The following PRRC2B variants were observed in gnomAD, a reference collection of about 807,000 sequenced individuals.
PRRC2B encodes proline rich coiled-coil 2B, also known as protein PRRC2B.
Under a neutral mutation model 242.3 loss-of-function variants are expected in PRRC2B, and 68 were observed. That is an observed-to-expected ratio of 0.28 (90% confidence interval 0.23 to 0.34). PRRC2B has a LOEUF of 0.34. Ranked by LOEUF, PRRC2B falls within the 10% of genes least tolerant of loss-of-function variation. The pLI is 1.00. For missense variants in PRRC2B, 2,835 were observed against 2,954.8 expected (o/e 0.96, Z 0.94); for synonymous variants, 1,228 against 1,173.6 (o/e 1.05, Z -0.95).
chr9:131,476,091 A>T lies in PRRC2B; in HGVS notation c.3962A>T (p.Glu1321Val). ...PRFRRLRQER[E>V]SLGLWGPEEE... ...TTCCGGCGCCTCCGGCAAGAGCGGG[A>T]GTCCCTGGGCCTGTGGGGACCCGAG... The change falls in exon 16 of 32, where the codon GAG becomes GTG. Residue 1321 changes from glutamate to valine, a missense_variant. Physicochemically the swap from Glu to Val is moderately radical, Grantham distance 121. Around this residue, in one of 7 missense-constraint regions of PRRC2B, gnomAD observed 1,536 missense variants for 1,483.1 expected, o/e 1.04. Coordinates refer to ENST00000683519, the MANE Select transcript of PRRC2B (RefSeq NM_013318.4). The T allele has an allele frequency of 5.6e-6, 9 of 1,608,686 alleles. No individual in the cohort carries two copies. The highest frequency in any genetic ancestry group is 7.6e-6 in the Non-Finnish European group (9 of 1,176,680).
chr9:131,427,295 A>G (rs2994046), intron 1 of PRRC2B, among the ~76,000 whole-genome samples: 148,913 of 152,212 alleles, frequency 0.98, 72,934 homozygotes, highest in South Asian at 1. Flanking sequence ...ATCGATTTTC[A>G]CTCCCTATGT....
chr9:131,490,741 T>C, intron 28 of PRRC2B: 1 of 380,158 alleles, frequency 2.6e-6, no homozygotes, highest in Non-Finnish European at 5.3e-6. Flanking sequence ...CAGCCCAGTC[T>C]TGTTTTTACC....
At chr9:131,397,563 G>T (rs1837098141) in intron 1 of PRRC2B, among the ~76,000 whole-genome samples, 2 of 98,990 alleles carry the variant, frequency 2.0e-5, no homozygotes, top group African/African-American at 4.2e-5. Context: ...ACTTTTGAGG[G>T]TTTTTTTTTT....
chr9:131,481,170 C>T (rs1184462800), intron 19 of PRRC2B, among the ~76,000 whole-genome samples: 3 of 151,760 alleles, frequency 2.0e-5, no homozygotes, highest in Non-Finnish European at 2.9e-5. Flanking sequence ...ATTAGCCGGG[C>T]GTGGTGGCGG....
At chr9:131,411,472 G>A (rs1437810683) in intron 1 of PRRC2B, among the ~76,000 whole-genome samples, 5 of 149,232 alleles carry the variant, frequency 3.4e-5, no homozygotes, top group African/African-American at 9.8e-5. Flanking sequence ...TCAGCCTCCC[G>A]AGTAGCTGGG....
chr9:131,478,644 A>AT, intron 18 of PRRC2B, 25 bp downstream of exon 18: 2 of 443,814 alleles, frequency 4.5e-6, no homozygotes, highest in Non-Finnish European at 8.6e-6. Context: ...GTGGGGGGGC[A>AT]TGGGGCTGGA....
rs1838807337 is a variant in PRRC2B, at chr9:131,446,551, T to G, written c.764T>G (p.Leu255Arg). The G allele has an allele frequency of 6.2e-7, 1 of 1,613,770 alleles. No individual in the cohort carries two copies. The highest frequency in any genetic ancestry group is 8.5e-7 in the Non-Finnish European group (1 of 1,179,866). The change falls in exon 7 of 32, where the codon CTC becomes CGC. Residue 255 changes from leucine (L) to arginine (R), a missense_variant. Coordinates refer to ENST00000683519, the MANE Select transcript of PRRC2B (RefSeq NM_013318.4). This position sits in a 1 kb window ranked among gnomAD's most constrained non-coding sequence, Gnocchi z 4.1. ...ACTSDSKDPS[L>R]RPAQPVRKGA... ...ACCAGCGATTCTAAGGACCCCTCTC[T>G]CCGCCCGGCTCAGCCTGTCCGAAAA...
chr9:131,477,621 G>A (rs1484439685), intron 16 of PRRC2B, 123 bp from the exon 17 acceptor site: 2 of 633,546 alleles, frequency 3.2e-6, no homozygotes, highest in Admixed American at 2.6e-5. Flanking sequence ...CTCCCCACCC[G>A]AGGAGTCAGC....
rs11448032 is a variant in PRRC2B at position 131,496,627 on chromosome 9, A to AGGGGGGGGGGG, written c.*762_*763insGGGGGGGGGGG. The AGGGGGGGGGGG allele has an allele frequency of 1.4e-5, 2 of 142,616 alleles. No homozygotes were observed. Among genetic ancestry groups the AGGGGGGGGGGG allele is most frequent in the African/African-American group, 5.3e-5 (2 of 37,520 alleles). The allele number at this position is 142,616 out of a possible 1,614,324, so 8.8% of individuals were successfully genotyped here. ...CTCAGAGCAGCAGGCAGGTTGGGGG[A>AGGGGGGGGGGG]GGGGGGGGGTCATAGTTGGGTTCCA... On this transcript the variant is annotated 3_prime_UTR_variant, in exon 32 of 32. Coordinates refer to ENST00000683519, the MANE Select transcript of PRRC2B (RefSeq NM_013318.4).
Position 131,494,270 on chromosome 9 carries a change from T to C in PRRC2B, c.6474-135T>C. 1 of 604,246 alleles carries C rather than the reference T, an allele frequency of 1.7e-6. No homozygotes were observed. The highest frequency in any genetic ancestry group is 3.0e-6 in the Non-Finnish European group (1 of 337,858). The allele number at this position is 604,246 out of a possible 1,614,324, so 37.4% of individuals were successfully genotyped here. Reference sequence around the variant, plus strand: ...CTGTGGTTGTTTTCCATCCAAGAGATCCACGGACCGTCCCGAGTGAGCGCC... The same window carrying C: ...CTGTGGTTGTTTTCCATCCAAGAGACCCACGGACCGTCCCGAGTGAGCGCC... On this transcript the variant is annotated intron_variant, in intron 30 of 31. Coordinates refer to ENST00000683519, the MANE Select transcript of PRRC2B (RefSeq NM_013318.4). This position sits in a 1 kb window ranked among gnomAD's most constrained non-coding sequence, Gnocchi z 4.3.
intron 11 of PRRC2B, among the ~76,000 whole-genome samples, chr9:131,463,955 TC>T (rs1277261165): frequency 1.3e-5 from 2 of 150,262 alleles, no homozygotes; most frequent in Non-Finnish European, 1.5e-5. Flanking sequence ...TTTTTTTTTT[TC>T]CCCCAGATGG....
At chr9:131,412,640 C>T (rs1462678140) in intron 1 of PRRC2B, among the ~76,000 whole-genome samples, 1 of 152,214 alleles carries the variant, frequency 6.6e-6, no homozygotes, top group African/African-American at 2.4e-5. Flanking sequence ...GATGTTGCTT[C>T]TTTGCAAATT....
chr9:131,410,649 A>AGT (rs1428911929), intron 1 of PRRC2B, among the ~76,000 whole-genome samples: 1 of 152,246 alleles, frequency 6.6e-6, no homozygotes. Context: ...ATAAAATGGA[A>AGT]GTACTAATAC....
chr9:131,459,374 C>T lies in PRRC2B; in HGVS notation c.1404+18C>T. 6.2e-7 allele frequency: 1 copy of T among 1,602,110 alleles called. No homozygotes were observed. The highest frequency in any genetic ancestry group is 1.7e-5 in the Admixed American group (1 of 57,458). ...ACTACCAGGTACCAAGGGCCCTTGGCTGTCCTGTGTATTTGTACTTCATTG... is the reference window on the plus strand; with the variant it reads ...ACTACCAGGTACCAAGGGCCCTTGGTTGTCCTGTGTATTTGTACTTCATTG... On this transcript the variant is annotated intron_variant, in intron 11 of 31. Transcript: ENST00000683519.
chr9:131,495,727 C>G lies in PRRC2B; in HGVS notation c.6556-13C>G, dbSNP rs576526432. 28 of 1,595,430 alleles carry G rather than the reference C, an allele frequency of 1.8e-5. 1 individual carries two copies. The highest frequency in any genetic ancestry group is 1.4e-4 in the South Asian group (13 of 90,772). On this transcript the variant is annotated splice_polypyrimidine_tract_variant and intron_variant, in intron 31 of 31. Transcript: ENST00000683519. ...TCAGGGTCACTTTGTTTTTCCCATT[C>G]ATCTGTCCAAAGGCAAAACAACGAG...
rs1838715910 is a variant in PRRC2B at position 131,444,372 on chromosome 9, T to C, written c.613+44T>C. The C allele has an allele frequency of 1.9e-6, 3 of 1,589,114 alleles. No homozygotes were observed. In the African/African-American group the frequency reaches 4.0e-5, roughly 21 times the overall value. On this transcript the variant is annotated intron_variant, in intron 6 of 31. Coordinates refer to ENST00000683519, the MANE Select transcript of PRRC2B (RefSeq NM_013318.4). ...TGGGCACTCGATGGAGTAACAGAAC[T>C]TCCTCCTCTCATCTCTCTGCACTCC...
In PRRC2B at chr9:131,459,201, A is replaced by G. The variant is rs34553878; in HGVS notation, c.1249A>G (p.Met417Val). The G allele has an allele frequency of 0.1, 165,689 of 1,613,928 alleles. 9,142 individuals are homozygous for G. The highest frequency in any genetic ancestry group is 0.18 in the Middle Eastern group (1,092 of 6,062). ...WDPRRQRQLS[M>V]SSADSADAKR... ...CCCTAGGAGGCAGCGGCAGTTGTCA[A>G]TGAGCTCTGCAGACAGTGCGGACGC... is the stretch of plus-strand genomic sequence containing the variant. The change falls in exon 11 of 32, where the codon ATG becomes GTG. Residue 417 changes from methionine (M) to valine (V), a missense_variant. This residue lies in a region of PRRC2B where 626 missense variants were observed against 685.5 expected (regional missense o/e 0.91). Transcript: ENST00000683519.
chr9:131,478,685 G>C (rs974876549), intron 18 of PRRC2B, 66 bp downstream of exon 18: 1 of 1,199,792 alleles, frequency 8.3e-7, no homozygotes, highest in Admixed American at 2.1e-5. Context: ...AGGAAACCCA[G>C]AGCCAGAGGG....
At chr9:131,458,019 C>G (rs1310907660) in intron 10 of PRRC2B, among the ~76,000 whole-genome samples, 2 of 152,110 alleles carry the variant, frequency 1.3e-5, no homozygotes, top group African/African-American at 4.8e-5. Flanking sequence ...AATGCTTTGC[C>G]CCAGCACCAT....
Sources: allele counts gnomAD v4.1 joint callset (sites outside exome capture counted in the v4.1 genomes callset), GRCh38; gene constraint gnomAD v4.1.1; regional missense constraint gnomAD v4.1.1; non-coding constraint Gnocchi (gnomAD v3.1); transcripts MANE v1.5; gene names NCBI Gene and HGNC (gene_info 2026-07-23, HGNC 2026-07-21).